Variants in CDC40 observed in about 807,000 individuals in gnomAD.
CDC40 encodes cell division cycle 40.
Under a neutral mutation model 80.6 loss-of-function variants are expected in CDC40, and 27 were observed. The ratio of observed to expected loss-of-function variants is 0.33; its 90% CI spans 0.25 to 0.46. CDC40 has a LOEUF of 0.46. Among genes scored for constraint, CDC40 ranks in the 20% least tolerant of loss-of-function variants. The pLI, the probability that CDC40 is intolerant of heterozygous loss-of-function variation, is 1.00. For synonymous variants in CDC40, 221 were observed against 232.6 expected (o/e 0.95, Z 0.45); for missense variants, 486 against 694.1 (o/e 0.70, Z 3.37).
At chr6:110,227,406 T>C (rs1777878992) in intron 13 of CDC40, among the ~76,000 whole-genome samples, 1 of 152,236 alleles carries the variant, frequency 6.6e-6, no homozygotes, top group South Asian at 2.1e-4. Context: ...CTATCATTTT[T>C]ATGAGAAGAG....
At chr6:110,190,076 G>T (rs1310646982) in intron 1 of CDC40, among the ~76,000 whole-genome samples, 18 of 152,100 alleles carry the variant, frequency 1.2e-4, no homozygotes, top group Non-Finnish European at 1.5e-5. Flanking sequence ...CGTTCTACTG[G>T]GCAGTGAGGA....
intron 1 of CDC40, among the ~76,000 whole-genome samples, chr6:110,186,734 T>G (rs1252226470): frequency 6.6e-6 from 1 of 152,196 alleles, no homozygotes; most frequent in East Asian, 1.9e-4. Flanking sequence ...GAGATATGGT[T>G]TCATTCTTTA....
chr6:110,194,833 G>A (rs1365491090), intron 2 of CDC40, among the ~76,000 whole-genome samples: 2 of 152,090 alleles, frequency 1.3e-5, no homozygotes, highest in African/African-American at 4.8e-5. Context: ...CTTTTTTCAT[G>A]AGTTCTTAAA....
At chr6:110,193,942 A>G (rs534672199) in intron 2 of CDC40, among the ~76,000 whole-genome samples, 1 of 152,332 alleles carries the variant, frequency 6.6e-6, no homozygotes, top group Admixed American at 6.5e-5. Flanking sequence ...ACCAGCATCA[A>G]TATGTAGTAT....
chr6:110,190,782 G>GT (rs1777336747), intron 1 of CDC40, among the ~76,000 whole-genome samples: 1 of 152,094 alleles, frequency 6.6e-6, no homozygotes, highest in Non-Finnish European at 1.5e-5. Flanking sequence ...GAGGCTGGTG[G>GT]TGAGTCAGCC....
chr6:110,201,049 T>C (rs527424779), intron 2 of CDC40, among the ~76,000 whole-genome samples: 9 of 152,262 alleles, frequency 5.9e-5, no homozygotes, highest in African/African-American at 2.2e-4. Flanking sequence ...CTTTCCTTCA[T>C]TAGTACTTTC....
rs1413333371 is a variant in CDC40 at position 110,231,530 on chromosome 6, G to C, written c.*1399G>C. ...ATAAAATCAAGATAACCTCTTGAAT[G>C]TAATAGCTCATAGCACTTTAATTTG... On this transcript the variant is annotated 3_prime_UTR_variant, in exon 15 of 15. Coordinates refer to ENST00000307731, the MANE Select transcript of CDC40 (RefSeq NM_015891.3). The C allele has an allele frequency of 6.6e-6, 1 of 152,252 alleles. No homozygotes were observed. The highest frequency in any genetic ancestry group is 1.5e-5 in the Non-Finnish European group (1 of 68,060). 9.4% of individuals were successfully genotyped at this position (152,252 alleles called of 1,614,324 possible). A position where few individuals can be genotyped will look rare whatever the true frequency, so the allele number is the denominator to read the frequency against.
At chr6:110,195,497 G>A (rs1253366898) in intron 2 of CDC40, among the ~76,000 whole-genome samples, 1 of 152,108 alleles carries the variant, frequency 6.6e-6, no homozygotes, top group African/African-American at 2.4e-5. Context: ...GAGTTAAGCG[G>A]AATACTTATT....
intron 2 of CDC40, among the ~76,000 whole-genome samples, chr6:110,197,795 G>A (rs1429874091): frequency 6.6e-6 from 1 of 152,166 alleles, no homozygotes; most frequent in Non-Finnish European, 1.5e-5. Context: ...GTAGGCCGTT[G>A]TGCAGACATA....
At chr6:110,229,828 G>A in intron 14 of CDC40, 126 bp from the exon 15 acceptor site, 3 of 613,954 alleles carry the variant, frequency 4.9e-6, no homozygotes, top group South Asian at 2.2e-5. Context: ...CTTATTCTGA[G>A]TATTGTATAT....
chr6:110,217,959 G>A (rs1002945020), intron 10 of CDC40, among the ~76,000 whole-genome samples, 156 bp downstream of exon 10: 18 of 152,174 alleles, frequency 1.2e-4, no homozygotes, highest in African/African-American at 4.3e-4. Flanking sequence ...TTTGTAAGTC[G>A]AAACTGAGCA....
chr6:110,227,541 A>T (rs1777881581), intron 13 of CDC40, among the ~76,000 whole-genome samples: 1 of 152,162 alleles, frequency 6.6e-6, no homozygotes, highest in South Asian at 2.1e-4. Flanking sequence ...GAACAAGGCC[A>T]TTTACCCACT....
chr6:110,212,005 T>C, intron 6 of CDC40, 128 bp from the exon 7 acceptor site: 1 of 679,860 alleles, frequency 1.5e-6, no homozygotes, highest in South Asian at 2.0e-5. Flanking sequence ...TTGACATCAT[T>C]GGAGTGTTAT....
chr6:110,225,150 GATAA>G (rs1305692590), intron 12 of CDC40, among the ~76,000 whole-genome samples: 10 of 152,112 alleles, frequency 6.6e-5, no homozygotes, highest in South Asian at 2.1e-4. Flanking sequence ...TGGATGGATG[GATAA>G]ATAGAGAAAA....
chr6:110,230,360 G>A lies in CDC40; in HGVS notation c.*229G>A, dbSNP rs1196829382. ...TGGCTATTGACTTTCTATTTGACAA[G>A]TAGTTATAATTGGCAAGCAGTTTGA... On this transcript the variant is annotated 3_prime_UTR_variant, in exon 15 of 15. Transcript: ENST00000307731. 2.9e-5 allele frequency: 12 copies of A among 413,256 alleles called. No individual in the cohort carries two copies. The highest frequency in any genetic ancestry group is 3.4e-5 in the Non-Finnish European group (8 of 234,258). The allele number at this position is 413,256 out of a possible 1,614,324, so 25.6% of individuals were successfully genotyped here.
At chr6:110,208,079 A>G (rs969696923) in intron 4 of CDC40, among the ~76,000 whole-genome samples, 7 of 152,330 alleles carry the variant, frequency 4.6e-5, no homozygotes, top group African/African-American at 1.4e-4. Flanking sequence ...AAGACAAAAC[A>G]TCATACGCTA....
intron 1 of CDC40, among the ~76,000 whole-genome samples, chr6:110,182,339 A>G (rs1017562255): frequency 6.6e-6 from 1 of 152,216 alleles, no homozygotes; most frequent in African/African-American, 2.4e-5. Context: ...CTTGAGAGGT[A>G]TATAAAAATC....
chr6:110,210,663 G>T, intron 5 of CDC40, 44 bp from the exon 6 acceptor site: 1 of 1,145,056 alleles, frequency 8.7e-7, no homozygotes, highest in South Asian at 1.7e-5. Context: ...GTATAATGAG[G>T]TTCTAGAACA....
chr6:110,226,840 G>C (rs1777868705), intron 13 of CDC40, among the ~76,000 whole-genome samples: 1 of 152,112 alleles, frequency 6.6e-6, no homozygotes, highest in South Asian at 2.1e-4. Flanking sequence ...AACATAGAGA[G>C]ACCTCATCTC....
Sources: gnomAD v4.1 joint callset for allele counts (sites outside exome capture counted in the v4.1 genomes callset) on GRCh38, gnomAD v4.1.1 for gene constraint, MANE v1.5 for transcripts, NCBI Gene and HGNC (gene_info 2026-07-23, HGNC 2026-07-21) for gene names.